The following DDX50 variants were observed in gnomAD, a reference collection of about 807,000 sequenced individuals.
DDX50 encodes the protein DExD-box helicase 50, also known as ATP-dependent RNA helicase DDX50.
Under a neutral mutation model 94.8 loss-of-function variants are expected in DDX50, and 56 were observed. The observed-to-expected ratio is 0.59, with a 90% CI of 0.48 to 0.74. DDX50 has a LOEUF of 0.74. Ranked by LOEUF, DDX50 falls within the 30% of genes least tolerant of loss-of-function variation. DDX50 has a pLI of 0.00. For missense variants in DDX50, 713 were observed against 881.2 expected (o/e 0.81, Z 2.42); for synonymous variants, 264 against 295.4 (o/e 0.89, Z 1.09).
chr10:68,936,890 A>AT, intron 11 of DDX50, 46 bp from the exon 12 acceptor site: 1 of 1,498,666 alleles, frequency 6.7e-7, no homozygotes. Context: ...CTTATCTTTT[A>AT]TTTTTTCCCT....
At chr10:68,931,426 T>TATATACACAC (rs375773633) in intron 8 of DDX50, among the ~76,000 whole-genome samples, 2 of 84,834 alleles carry the variant, frequency 2.4e-5, no homozygotes, top group Non-Finnish European at 4.5e-5. Context: ...TATATATATA[T>TATATACACAC]ACACAAACAC....
chr10:68,913,621 T>C (rs771195449), intron 6 of DDX50, 45 bp downstream of exon 6: 2 of 1,543,114 alleles, frequency 1.3e-6, no homozygotes, highest in Non-Finnish European at 1.8e-6. Flanking sequence ...TATTGTTCGA[T>C]CTTAAATGCA....
At chr10:68,914,564 AG>A (rs1313569790) in intron 7 of DDX50, among the ~76,000 whole-genome samples, 1 of 152,240 alleles carries the variant, frequency 6.6e-6, no homozygotes, top group Non-Finnish European at 1.5e-5. Flanking sequence ...AATAGTGCGG[AG>A]ATAATTTGTT....
Position 68,934,613 on chromosome 10 carries a change from G to A in DDX50, c.1402-186G>A, listed in dbSNP as rs1842359414. The stretch of plus-strand genomic sequence containing the variant: ...AAGTTGCCATAAAGAAACCTGGGAT[G>A]AGGTGGATTAAAAGGTTTTAAATCA... On this transcript the variant is annotated intron_variant, in intron 9 of 14. Transcript: ENST00000373585. This position sits in a 1 kb window ranked among gnomAD's most constrained non-coding sequence, Gnocchi z 4.0. 6.6e-6 allele frequency among the ~76,000 whole-genome samples: 1 copy of A among 152,122 alleles called. No individual in the cohort carries two copies. Among genetic ancestry groups the A allele is most frequent in the Admixed American group, 6.6e-5 (1 of 15,258 alleles).
At chr10:68,917,907 C>T (rs929767725) in intron 7 of DDX50, among the ~76,000 whole-genome samples, 2 of 151,428 alleles carry the variant, frequency 1.3e-5, no homozygotes, top group Admixed American at 6.6e-5. Context: ...CTGGCCTCCC[C>T]GTAAGTATTT....
intron 7 of DDX50, among the ~76,000 whole-genome samples, chr10:68,918,431 T>C (rs1032712213): frequency 1.3e-4 from 17 of 131,184 alleles, no homozygotes; most frequent in Non-Finnish European, 1.9e-4. Context: ...TTCCCTCCTT[T>C]TTTTTTTTTT....
At chr10:68,936,130 C>T in intron 11 of DDX50, 51 bp downstream of exon 11, 1 of 1,419,902 alleles carries the variant, frequency 7.0e-7, no homozygotes, top group Non-Finnish European at 9.7e-7. Context: ...TTAGGCTATT[C>T]ATCTGTAAGC....
At chr10:68,906,065 G>A (rs1841436157) in intron 1 of DDX50, among the ~76,000 whole-genome samples, 1 of 152,220 alleles carries the variant, frequency 6.6e-6, no homozygotes, top group Non-Finnish European at 1.5e-5. Context: ...CCTGAAACCT[G>A]TAATCAAACA....
rs1275942891 is a variant in DDX50 at position 68,934,153 on chromosome 10, G to T, written c.1240-46G>T. The T allele has an allele frequency of 6.4e-7, 1 of 1,558,406 alleles. No homozygotes were observed. The highest frequency in any genetic ancestry group is 8.7e-7 in the Non-Finnish European group (1 of 1,152,676). ...ACTAGATGTTGTTGTGCTATCAGTTGCAAGTATGAGCTGTACACTTAATTT... is the reference window on the plus strand; with the variant it reads ...ACTAGATGTTGTTGTGCTATCAGTTTCAAGTATGAGCTGTACACTTAATTT... On this transcript the variant is annotated intron_variant, in intron 8 of 14. Coordinates refer to ENST00000373585, the MANE Select transcript of DDX50 (RefSeq NM_024045.2). The surrounding 1 kb of genome is among the most constrained non-coding windows in gnomAD (Gnocchi z 4.0).
Position 68,937,093 on chromosome 10 carries a change from A to C in DDX50, c.1753A>C (p.Lys585Gln). 6.2e-7 allele frequency: 1 copy of C among 1,602,250 alleles called. No individual in the cohort carries two copies. Among genetic ancestry groups the C allele is most frequent in the Non-Finnish European group, 8.5e-7 (1 of 1,172,616 alleles). The change falls in exon 12 of 15, where the codon AAG (lysine) becomes CAG (glutamine). Residue 585 changes from lysine (K) to glutamine (Q), a missense_variant and splice_region_variant. Lys to Gln is a moderately conservative substitution (Grantham distance 53). This residue lies in a region of DDX50 where 428 missense variants were observed against 602.3 expected (regional missense o/e 0.71). Transcript: ENST00000373585. ...ACCACGATCTTTGATCACCTCTGAT[A>C]AGGTAGAAATCTGTGAGAAAATTGT... ...FEPRSLITSD[K>Q]GFVTMTLESL...
chr10:68,919,138 A>G (rs1441959092), intron 7 of DDX50, among the ~76,000 whole-genome samples: 1 of 152,218 alleles, frequency 6.6e-6, no homozygotes, highest in Non-Finnish European at 1.5e-5. Context: ...TGTTTGCGTA[A>G]TGATGAAGCT....
intron 8 of DDX50, among the ~76,000 whole-genome samples, chr10:68,931,426 T>TATATACACACACACACAC (rs375773633): frequency 2.4e-5 from 2 of 84,834 alleles, no homozygotes; most frequent in African/African-American, 8.8e-5. Context: ...TATATATATA[T>TATATACACACACACACAC]ACACAAACAC....
At chr10:68,904,598 C>A (rs1222946383) in intron 1 of DDX50, among the ~76,000 whole-genome samples, 3 of 152,262 alleles carry the variant, frequency 2.0e-5, no homozygotes, top group Admixed American at 2.0e-4. Context: ...GTAACTGAAA[C>A]CAAGTAGACG....
chr10:68,919,988 CTTT>C lies in DDX50; in HGVS notation c.1239+12_1239+14del. On this transcript the variant is annotated splice_region_variant and intron_variant, in intron 8 of 14. Transcript: ENST00000373585. ...GAATCCACACATAAAACAGGTAAGTCTTTTTTTCATGCTTTCTCTAATTGAAAT... is the reference window on the plus strand; with the variant it reads ...GAATCCACACATAAAACAGGTAAGTCTTTTCATGCTTTCTCTAATTGAAAT... 1 of 1,612,808 alleles carries C rather than the reference CTTT, an allele frequency of 6.2e-7. No homozygotes were observed. The highest frequency in any genetic ancestry group is 8.5e-7 in the Non-Finnish European group (1 of 1,179,700).
At chr10:68,936,815 T>C in intron 11 of DDX50, 121 bp from the exon 12 acceptor site, 1 of 998,748 alleles carries the variant, frequency 1.0e-6, no homozygotes, top group South Asian at 1.8e-5. Context: ...CGCTCCAGAC[T>C]GGGTGACAGA....
chr10:68,904,331 A>G (rs910484407), intron 1 of DDX50, among the ~76,000 whole-genome samples: 1 of 152,108 alleles, frequency 6.6e-6, no homozygotes, highest in East Asian at 1.9e-4. Context: ...ACTGAAGTGA[A>G]TAGTGGTCTG....
intron 11 of DDX50, among the ~76,000 whole-genome samples, chr10:68,936,410 A>AC (rs2132057319): frequency 7.3e-6 from 1 of 137,144 alleles, no homozygotes; most frequent in Non-Finnish European, 1.5e-5. Context: ...AATGGTGTGA[A>AC]CCTGGGGGGC....
Position 68,934,096 on chromosome 10 carries a change from G to T in DDX50, c.1240-103G>T, listed in dbSNP as rs1419705998. 2 of 1,152,324 alleles carry T rather than the reference G, an allele frequency of 1.7e-6. No homozygotes were observed. Among genetic ancestry groups the T allele is most frequent in the East Asian group, 2.7e-5 (1 of 36,448 alleles). The allele number at this position is 1,152,324 out of a possible 1,614,324, so 71.4% of individuals were successfully genotyped here. A position where few individuals can be genotyped will look rare whatever the true frequency, so the allele number is the denominator to read the frequency against. ...AGCATGCATTGTTAAAATCATCAAA[G>T]TAAGATTTAAAAACATGCAAAAGGA... On this transcript the variant is annotated intron_variant, in intron 8 of 14. Transcript: ENST00000373585. This position sits in a 1 kb window ranked among gnomAD's most constrained non-coding sequence, Gnocchi z 4.0.
chr10:68,918,868 A>G (rs983881454), intron 7 of DDX50, among the ~76,000 whole-genome samples: 3 of 152,234 alleles, frequency 2.0e-5, no homozygotes, highest in Non-Finnish European at 4.4e-5. Flanking sequence ...ATATGATGGC[A>G]TATGCTCGAT....
Sources: gnomAD v4.1 joint callset for allele counts (sites outside exome capture counted in the v4.1 genomes callset) on GRCh38, gnomAD v4.1.1 for gene constraint, gnomAD v4.1.1 regional missense constraint, Gnocchi (gnomAD v3.1) non-coding constraint, MANE v1.5 for transcripts, NCBI Gene and HGNC (gene_info 2026-07-23, HGNC 2026-07-21) for gene names.